Variants in CFHR5 observed in about 807,000 individuals in gnomAD.
CFHR5 encodes complement factor H-related protein 5.
In CFHR5, 73 loss-of-function variants were observed where a neutral mutation model predicts 62.9. The observed-to-expected ratio is 1.16, with a 90% confidence interval of 0.96 to 1.41. The LOEUF (loss-of-function observed/expected upper bound fraction) is 1.41, where lower values mean the gene tolerates loss of function less well. Ranked by LOEUF, CFHR5 falls within the 40% of genes most tolerant of loss-of-function variation. The pLI, the probability that CFHR5 is intolerant of heterozygous loss-of-function variation, is 0.00. For missense variants in CFHR5, 779 were observed against 679.9 expected (o/e 1.15, Z -1.62); for synonymous variants, 249 against 227.2 (o/e 1.10, Z -0.86).
At chr1:197,007,802 A>G (rs1654329611) in intron 9 of CFHR5, among the ~76,000 whole-genome samples, 2 of 147,548 alleles carry the variant, frequency 1.4e-5, no homozygotes, top group African/African-American at 4.9e-5. Context: ...TATACATTAT[A>G]TATAATCCAT....
intron 3 of CFHR5, among the ~76,000 whole-genome samples, chr1:196,988,484 C>T (rs1653756371): frequency 6.6e-6 from 1 of 152,136 alleles, no homozygotes; most frequent in South Asian, 2.1e-4. Context: ...TTTGCCCATT[C>T]AGTATGATAT....
In CFHR5 at chr1:197,004,776, T is replaced by C. The variant is rs776756790; in HGVS notation, c.1446T>C (p.Tyr482=). 4.3e-6 allele frequency: 7 copies of C among 1,613,720 alleles called. No individual in the cohort carries two copies. Among genetic ancestry groups the C allele is most frequent in the Non-Finnish European group, 5.9e-6 (7 of 1,179,810 alleles). The part of the protein sequence containing the change: ...STVTYRCQSF[Y]KLQGSVTVTC... Reference sequence around the variant, plus strand: ...TGACGTACCGTTGCCAGTCCTTCTATAAACTCCAGGGCTCTGTAACTGTAA... The same window carrying C: ...TGACGTACCGTTGCCAGTCCTTCTACAAACTCCAGGGCTCTGTAACTGTAA... The change falls in exon 9 of 10, where the codon TAT becomes TAC. Residue 482 remains tyrosine (Y), a synonymous_variant. Coordinates refer to ENST00000256785, the MANE Select transcript of CFHR5 (RefSeq NM_030787.4).
At chr1:197,004,047 T>C (rs938651305) in intron 8 of CFHR5, among the ~76,000 whole-genome samples, 4 of 152,156 alleles carry the variant, frequency 2.6e-5, no homozygotes, top group Non-Finnish European at 4.4e-5. Flanking sequence ...AGTGATTTCA[T>C]ATTTATGTTC....
intron 4 of CFHR5, 120 bp from the exon 5 acceptor site, chr1:196,995,597 T>A: frequency 2.5e-6 from 2 of 798,482 alleles, no homozygotes; most frequent in East Asian, 5.1e-5. Flanking sequence ...AAAACACATG[T>A]CCCCAAAAAT....
At chr1:196,999,158 C>T (rs566893547) in intron 7 of CFHR5, among the ~76,000 whole-genome samples, 2 of 151,824 alleles carry the variant, frequency 1.3e-5, no homozygotes, top group South Asian at 2.1e-4. Flanking sequence ...AGTGTGATGT[C>T]ATTAGAAATT....
In CFHR5 at chr1:196,988,020, T is replaced by C. The variant is rs188826124; in HGVS notation, c.430+3883T>C. ...CCATGAGCATGGAAAGTTCTTCCATTTGTTTGTGTCCTCTTTTATTTCGCT... is the reference window on the plus strand; with the variant it reads ...CCATGAGCATGGAAAGTTCTTCCATCTGTTTGTGTCCTCTTTTATTTCGCT... On this transcript the variant is annotated intron_variant, in intron 3 of 9. Transcript: ENST00000256785. Among the ~76,000 whole-genome samples, 145 of 152,308 alleles carry C rather than the reference T, an allele frequency of 9.5e-4. 1 individual carries two copies. The highest frequency in any genetic ancestry group is 3.4e-3 in the African/African-American group (140 of 41,550).
intron 7 of CFHR5, among the ~76,000 whole-genome samples, chr1:197,000,609 A>T (rs1165560261): frequency 6.6e-6 from 1 of 152,170 alleles, no homozygotes; most frequent in African/African-American, 2.4e-5. Flanking sequence ...TACATTTGAG[A>T]TTACAGACAC....
chr1:196,996,300 A>T (rs1653989712), intron 6 of CFHR5, 99 bp downstream of exon 6: 4 of 917,148 alleles, frequency 4.4e-6, no homozygotes. Flanking sequence ...TTTTATTGAT[A>T]CTGACTCTTC....
upstream of CFHR5, among the ~76,000 whole-genome samples, chr1:196,976,207 T>C (rs1442670098): frequency 6.6e-6 from 1 of 152,164 alleles, no homozygotes; most frequent in East Asian, 1.9e-4. Flanking sequence ...CATAGCTATG[T>C]GCATTCCCAT....
chr1:197,001,213 G>T (rs1391737881), intron 7 of CFHR5, among the ~76,000 whole-genome samples: 1 of 151,930 alleles, frequency 6.6e-6, no homozygotes, highest in East Asian at 1.9e-4. Context: ...GCATCAGTGG[G>T]CCCCAGTCCC....
rs757198675 is a variant in CFHR5, at chr1:197,002,713, C to A, written c.1330+49C>A. 5 of 1,450,382 alleles carry A rather than the reference C, an allele frequency of 3.4e-6. No homozygotes were observed. The South Asian group carries it at 4.6e-5, about 13-fold the overall frequency. The allele number at this position is 1,450,382 out of a possible 1,614,324, so 89.8% of individuals were successfully genotyped here. A position where few individuals can be genotyped will look rare whatever the true frequency, so the allele number is the denominator to read the frequency against. On this transcript the variant is annotated intron_variant, in intron 8 of 9. Coordinates refer to ENST00000256785, the MANE Select transcript of CFHR5 (RefSeq NM_030787.4). Reference sequence around the variant, plus strand: ...TTTCACTTAAAAAGAGGTTATTAATCCCCTTTGCTTTATCTAAAGAAAGAA... The same window carrying A: ...TTTCACTTAAAAAGAGGTTATTAATACCCTTTGCTTTATCTAAAGAAAGAA...
chr1:196,990,900 G>T (rs1653826656), intron 3 of CFHR5, among the ~76,000 whole-genome samples: 1 of 152,094 alleles, frequency 6.6e-6, no homozygotes, highest in African/African-American at 2.4e-5. Flanking sequence ...TCTTGAAATT[G>T]AATGTTGACC....
At chr1:196,977,543 C>T (rs774350390), upstream of CFHR5, 1 of 840,914 alleles carries the variant, frequency 1.2e-6, no homozygotes, top group Non-Finnish European at 2.1e-6. Context: ...CTTTACTAAA[C>T]TAGCTTCCCC....
intron 3 of CFHR5, among the ~76,000 whole-genome samples, chr1:196,984,623 T>C (rs1054893960): frequency 3.3e-5 from 5 of 152,210 alleles, no homozygotes; most frequent in African/African-American, 1.2e-4. Context: ...ACGATTCTTT[T>C]GGAAGCCTGT....
chr1:196,998,817 T>G (rs904372598), intron 7 of CFHR5, among the ~76,000 whole-genome samples: 1 of 151,934 alleles, frequency 6.6e-6, no homozygotes, highest in Non-Finnish European at 1.5e-5. Flanking sequence ...TTACAAGTAA[T>G]TATAAAATGG....
At chr1:196,978,907 C>T (rs116496761) in intron 1 of CFHR5, among the ~76,000 whole-genome samples, 2,040 of 152,218 alleles carry the variant, frequency 0.013, 36 homozygotes, top group African/African-American at 0.044. Context: ...ACAAAACTTT[C>T]AAGCTTCAGT....
chr1:196,998,371 A>C, intron 7 of CFHR5, 67 bp downstream of exon 7: 1 of 1,282,864 alleles, frequency 7.8e-7, no homozygotes, highest in Non-Finnish European at 1.1e-6. Flanking sequence ...TTTTGAAATT[A>C]GAATGTTTTT....
At chr1:196,977,777 T>TTG (rs955585553) in intron 1 of CFHR5, 55 bp downstream of exon 1, 2 of 1,332,712 alleles carry the variant, frequency 1.5e-6, no homozygotes, top group South Asian at 1.2e-5. Flanking sequence ...TATTTATTGA[T>TTG]TGTGTGTGTG....
intron 3 of CFHR5, among the ~76,000 whole-genome samples, chr1:196,993,386 C>A (rs563744311): frequency 6.6e-6 from 1 of 152,086 alleles, no homozygotes; most frequent in South Asian, 2.1e-4. Flanking sequence ...CCTCCGCCTC[C>A]TGGGTTCAAG....
Sources: gnomAD v4.1 joint callset for allele counts (sites outside exome capture counted in the v4.1 genomes callset) on GRCh38, gnomAD v4.1.1 for gene constraint, MANE v1.5 for transcripts, NCBI Gene and HGNC (gene_info 2026-07-23, HGNC 2026-07-21) for gene names.